The following CNPPD1 variants were observed in gnomAD, a reference collection of about 807,000 sequenced individuals.
CNPPD1 encodes the protein cyclin Pas1/PHO80 domain containing 1.
CNPPD1 carries 40 observed loss-of-function variants against 43.7 expected under a neutral mutation model. The observed-to-expected ratio is 0.92, with a 90% CI of 0.71 to 1.19. CNPPD1 has a LOEUF of 1.19. Among genes scored for constraint, CNPPD1 ranks in the 50% most tolerant of loss-of-function variants. The pLI is 0.00. For synonymous variants in CNPPD1, 208 were observed against 214.3 expected (o/e 0.97, Z 0.26); for missense variants, 511 against 518.5 (o/e 0.99, Z 0.14).
rs1210494710 is a variant in CNPPD1 at position 219,176,924 on chromosome 2, C to T, written c.-96G>A. The T allele has an allele frequency of 2.0e-5, 22 of 1,094,158 alleles. No homozygotes were observed. The highest frequency in any genetic ancestry group is 3.3e-5 in the African/African-American group (2 of 60,654). The allele number at this position is 1,094,158 out of a possible 1,614,324, so 67.8% of individuals were successfully genotyped here. On this transcript the variant is annotated 5_prime_UTR_variant, in exon 1 of 8. Transcript: ENST00000360507. ...CTTGCCCGCCTGTCCACCTGCCAGC[C>T]TGCCTCCCCGGGGCGGGCCGCCGTC...
chr2:219,172,350 G>A lies in CNPPD1; in HGVS notation c.*236C>T, dbSNP rs1950083429. On this transcript the variant is annotated 3_prime_UTR_variant, in exon 8 of 8. Coordinates refer to ENST00000360507, the MANE Select transcript of CNPPD1 (RefSeq NM_015680.6). Reference sequence around the variant, plus strand: ...TATGTCCATCTGGGACATGTCCCTGGTCACCAAGCGGAAGCTCTCCCTGGC... The same window carrying A: ...TATGTCCATCTGGGACATGTCCCTGATCACCAAGCGGAAGCTCTCCCTGGC... 3 of 576,394 alleles carry A rather than the reference G, an allele frequency of 5.2e-6. No homozygotes were observed. The allele number at this position is 576,394 out of a possible 1,614,324, so 35.7% of individuals were successfully genotyped here.
intron 3 of CNPPD1, 75 bp downstream of exon 3, chr2:219,175,516 A>G: frequency 7.5e-7 from 1 of 1,330,504 alleles, no homozygotes; most frequent in Non-Finnish European, 1.1e-6. Context: ...AAAGAAAGAA[A>G]GAAAAGAAAG....
chr2:219,175,020 C>T lies in CNPPD1; in HGVS notation c.349G>A (p.Val117Met). 1.2e-6 allele frequency: 2 copies of T among 1,614,046 alleles called. No individual in the cohort carries two copies. Among genetic ancestry groups the T allele is most frequent in the Middle Eastern group, 1.6e-4 (1 of 6,062 alleles). ...RHRNPDYLQH[V>M]SSSDLFLISM... ...ATCAGGAACAAGTCAGAGGATGACACATGCTGCAAGTAGTCTGGGTTTCGG... is the reference window on the plus strand; with the variant it reads ...ATCAGGAACAAGTCAGAGGATGACATATGCTGCAAGTAGTCTGGGTTTCGG... The change falls in exon 4 of 8, where the codon GTG (valine) becomes ATG (methionine). Residue 117 changes from valine (V) to methionine (M), a missense_variant. Transcript: ENST00000360507.
In CNPPD1 at chr2:219,173,349, C is replaced by G; in HGVS notation, c.690+1G>C. The G allele has an allele frequency of 6.2e-7, 1 of 1,612,696 alleles. No homozygotes were observed. The highest frequency in any genetic ancestry group is 8.5e-7 in the Non-Finnish European group (1 of 1,179,372). ...CCCTATCCTTCCGAGCCCCTCCTCA[C>G]CTTTACCAGCCGCTGGCAGAGGGAG... On this transcript the variant is annotated splice_donor_variant, in intron 7 of 7. Transcript: ENST00000360507. LOFTEE classifies it high-confidence loss of function.
In CNPPD1 at chr2:219,173,391, A is replaced by G. The variant is rs1574769239; in HGVS notation, c.649T>C (p.Trp217Arg). 1 of 1,613,664 alleles carries G rather than the reference A, an allele frequency of 6.2e-7. No homozygotes were observed. Among genetic ancestry groups the G allele is most frequent in the Non-Finnish European group, 8.5e-7 (1 of 1,179,942 alleles). ...CAGAGGGAGCCCAGGGCCAACTGCCAGGTCGGCTGCTCCAGCAGCACACAC... is the reference window on the plus strand; with the variant it reads ...CAGAGGGAGCCCAGGGCCAACTGCCGGGTCGGCTGCTCCAGCAGCACACAC... ...DLCVLLEQPT[W>R]QLALGSLCQR... The change falls in exon 7 of 8, where the codon TGG (tryptophan) becomes CGG (arginine). Residue 217 changes from tryptophan to arginine, a missense_variant. Trp to Arg is a moderately radical substitution (Grantham distance 101, BLOSUM62 -3). Transcript: ENST00000360507.
chr2:219,174,026 G>T, intron 6 of CNPPD1, 120 bp downstream of exon 6: 1 of 959,764 alleles, frequency 1.0e-6, no homozygotes, highest in Non-Finnish European at 1.7e-6. Context: ...CACTATCTGG[G>T]CAATTCTCTT....
Position 219,172,577 on chromosome 2 carries a change from C to T in CNPPD1, c.*9G>A, listed in dbSNP as rs201958059. On this transcript the variant is annotated 3_prime_UTR_variant, in exon 8 of 8. Transcript: ENST00000360507. ...CCAAACCCTCTTAATGCATTCCTCA[C>T]AGCCCTACCTAGCCTGGGAAAACGA... 5.0e-6 allele frequency: 8 copies of T among 1,613,816 alleles called. No homozygotes were observed. The African/African-American group carries it at 1.1e-4, about 22-fold the overall frequency.
Position 219,172,408 on chromosome 2 carries a change from T to C in CNPPD1, c.*178A>G. Reference sequence around the variant, plus strand: ...CTGTCCTGGCCAAGCAGCCAGCCACTGCGATCTAGGAGTGAATTACCTTCA... The same window carrying C: ...CTGTCCTGGCCAAGCAGCCAGCCACCGCGATCTAGGAGTGAATTACCTTCA... On this transcript the variant is annotated 3_prime_UTR_variant, in exon 8 of 8. Transcript: ENST00000360507. The C allele has an allele frequency of 4.3e-6, 3 of 696,922 alleles. No individual in the cohort carries two copies. The East Asian group carries it at 7.7e-5, about 18-fold the overall frequency. The allele number at this position is 696,922 out of a possible 1,614,324, so 43.2% of individuals were successfully genotyped here.
Position 219,174,868 on chromosome 2 carries a change from C to A in CNPPD1, c.420G>T (p.Glu140Asp), listed in dbSNP as rs766202955. 1 of 1,614,086 alleles carries A rather than the reference C, an allele frequency of 6.2e-7. No homozygotes were observed. The highest frequency in any genetic ancestry group is 1.3e-5 in the African/African-American group (1 of 74,936). Residue 140 changes from glutamate to aspartate, a missense_variant, in exon 5 of 8, where the codon GAG becomes GAT. Coordinates refer to ENST00000360507, the MANE Select transcript of CNPPD1 (RefSeq NM_015680.6). ...CCCATTCGTCGTTGAAGACCTCCTC[C>A]TCCTCCCCTTCATCATAGAGGTACT... is the stretch of plus-strand genomic sequence containing the variant. ...ASKYLYDEGE[E>D]EEVFNDEWGA... is the part of the protein sequence containing the mutation.
intron 1 of CNPPD1, 93 bp from the exon 2 acceptor site, chr2:219,176,424 C>T (rs1490803436): frequency 5.0e-6 from 5 of 993,354 alleles, no homozygotes; most frequent in Non-Finnish European, 7.7e-6. Context: ...AGGGGACAGG[C>T]CGGCCTCGCT....
chr2:219,173,258 C>G (rs575959137), intron 7 of CNPPD1, 92 bp downstream of exon 7: 13 of 1,438,654 alleles, frequency 9.0e-6, no homozygotes, highest in Non-Finnish European at 5.8e-6. Flanking sequence ...ATTCCCAACC[C>G]CATCTCCTGG....
rs972091017 is a variant in CNPPD1 at position 219,173,398 on chromosome 2, C to T, written c.642G>A (p.Gln214=). 1.4e-5 allele frequency: 22 copies of T among 1,613,660 alleles called. No homozygotes were observed. Among genetic ancestry groups the T allele is most frequent in the Non-Finnish European group, 1.8e-5 (21 of 1,179,980 alleles). Residue 214 remains glutamine (Q), a synonymous_variant, in exon 7 of 8, where the codon CAG becomes CAA. Coordinates refer to ENST00000360507, the MANE Select transcript of CNPPD1 (RefSeq NM_015680.6). The part of the protein sequence containing the change: ...TYTDLCVLLE[Q]PTWQLALGSL... ...AGCCCAGGGCCAACTGCCAGGTCGG[C>T]TGCTCCAGCAGCACACACAGGTCTG...
At chr2:219,174,621 G>C (rs1032539935) in intron 5 of CNPPD1, among the ~76,000 whole-genome samples, 157 bp downstream of exon 5, 3 of 152,172 alleles carry the variant, frequency 2.0e-5, no homozygotes, top group Non-Finnish European at 4.4e-5. Flanking sequence ...AAACTGGTTA[G>C]TACTGAAGAG....
At chr2:219,175,567 TC>T in intron 3 of CNPPD1, 23 bp downstream of exon 3, 2 of 1,586,882 alleles carry the variant, frequency 1.3e-6, no homozygotes, top group East Asian at 4.5e-5. Flanking sequence ...AACACTCTCA[TC>T]CTATCCTCAT....
intron 1 of CNPPD1, 146 bp from the exon 2 acceptor site, chr2:219,176,477 C>A: frequency 1.5e-6 from 1 of 661,918 alleles, no homozygotes; most frequent in Non-Finnish European, 2.6e-6. Context: ...TTCTGTAAAT[C>A]GCTTGCCAAT....
In CNPPD1 at chr2:219,172,971, G is replaced by C; in HGVS notation, c.848C>G (p.Pro283Arg). 1 of 1,613,930 alleles carries C rather than the reference G, an allele frequency of 6.2e-7. No individual in the cohort carries two copies. The highest frequency in any genetic ancestry group is 8.5e-7 in the Non-Finnish European group (1 of 1,179,948). The part of the protein sequence containing the change: ...TSRCLLEPCI[P>R]SVPQCLPSLA... ...AGACGGCAGGCATTGTGGCACAGAA[G>C]GTATGCAGGGCTCCAGGAGGCAACG... The change falls in exon 8 of 8, where the codon CCT becomes CGT. Residue 283 changes from proline (P) to arginine (R), a missense_variant. Transcript: ENST00000360507.
chr2:219,176,035 G>A (rs1950153256), intron 2 of CNPPD1, among the ~76,000 whole-genome samples, 188 bp downstream of exon 2: 1 of 152,150 alleles, frequency 6.6e-6, no homozygotes, highest in Non-Finnish European at 1.5e-5. Flanking sequence ...AGATATATGT[G>A]GCAGCAATGT....
chr2:219,172,826 A>C lies in CNPPD1; in HGVS notation c.993T>G (p.Thr331=). ...GGCAAAGGTGGCAGTTATGAAGAAG[A>C]GTGGGAGGGGCAGGGGGGTCTGGGG... ...LPPPDPPAPP[T]LLHNCHLCQK... Residue 331 remains threonine, a synonymous_variant, in exon 8 of 8, where the codon ACT becomes ACG. Coordinates refer to ENST00000360507, the MANE Select transcript of CNPPD1 (RefSeq NM_015680.6). 1 of 1,575,054 alleles carries C rather than the reference A, an allele frequency of 6.3e-7. No individual in the cohort carries two copies. Among genetic ancestry groups the C allele is most frequent in the South Asian group, 1.2e-5 (1 of 86,468 alleles).
In CNPPD1 at chr2:219,173,359, C is replaced by T. The variant is rs763383055; in HGVS notation, c.681G>A (p.Arg227=). 1 of 1,613,168 alleles carries T rather than the reference C, an allele frequency of 6.2e-7. No homozygotes were observed. The highest frequency in any genetic ancestry group is 1.1e-5 in the South Asian group (1 of 91,022). ...WQLALGSLCQ[R]LVKLSCLLAV... is the part of the protein sequence containing the mutation. ...CCGAGCCCCTCCTCACCTTTACCAG[C>T]CGCTGGCAGAGGGAGCCCAGGGCCA... Residue 227 remains arginine, a synonymous_variant, in exon 7 of 8, where the codon CGG becomes CGA. Transcript: ENST00000360507.
Sources: gnomAD v4.1 joint callset for allele counts (sites outside exome capture counted in the v4.1 genomes callset) on GRCh38, gnomAD v4.1.1 for gene constraint, MANE v1.5 for transcripts, NCBI Gene and HGNC (gene_info 2026-07-23, HGNC 2026-07-21) for gene names.